The following NEK10 variants were observed in gnomAD, a reference collection of about 807,000 sequenced individuals.
NEK10 encodes the protein serine/threonine-protein kinase Nek10.
NEK10 carries 122 observed loss-of-function variants against 159.8 expected under a neutral mutation model. The ratio of observed to expected loss-of-function variants is 0.76; its 90% CI spans 0.66 to 0.89. The LOEUF (loss-of-function observed/expected upper bound fraction) is 0.89, where lower values mean the gene tolerates loss of function less well. Among genes scored for constraint, NEK10 ranks in the 40% least tolerant of loss-of-function variants. The pLI is 0.00. For missense variants in NEK10, 1,342 were observed against 1,323.1 expected, an observed-to-expected ratio of 1.01 and a Z score of -0.22; for synonymous variants, 466 against 457.1, an observed-to-expected ratio of 1.02 and a Z score of -0.25.
chr3:27,142,676 C>T (rs1943901479), intron 30 of NEK10, among the ~76,000 whole-genome samples: 1 of 152,076 alleles, frequency 6.6e-6, no homozygotes, highest in Admixed American at 6.6e-5. Context: ...GCATATTTTA[C>T]CATAAATATT....
At chr3:27,350,865 G>GT (rs1386544539) in intron 3 of NEK10, among the ~76,000 whole-genome samples, 4 of 151,922 alleles carry the variant, frequency 2.6e-5, no homozygotes, top group East Asian at 3.9e-4. Flanking sequence ...GGTTTTTTTT[G>GT]TTTTTTGCCC....
chr3:27,316,033 G>A (rs767763016), intron 6 of NEK10, among the ~76,000 whole-genome samples: 7 of 152,182 alleles, frequency 4.6e-5, no homozygotes, highest in Non-Finnish European at 1.0e-4. Flanking sequence ...AAGCAGTTCC[G>A]TAACTCCATG....
At chr3:27,116,201 G>T in intron 33 of NEK10, 74 bp from the exon 34 acceptor site, 1 of 1,341,522 alleles carries the variant, frequency 7.5e-7, no homozygotes, top group South Asian at 1.2e-5. Flanking sequence ...TGGCAATTAT[G>T]ACTTCAACCA....
chr3:27,302,536 C>T (rs1172856884), intron 12 of NEK10, among the ~76,000 whole-genome samples: 1 of 152,148 alleles, frequency 6.6e-6, no homozygotes, highest in Admixed American at 6.5e-5. Flanking sequence ...AATTCATGCT[C>T]TGCTTAATGT....
intron 32 of NEK10, among the ~76,000 whole-genome samples, chr3:27,126,864 C>T (rs943650490): frequency 4.6e-5 from 7 of 152,020 alleles, no homozygotes; most frequent in South Asian, 2.1e-4. Flanking sequence ...TTCCGGAGGA[C>T]GCAACCCCAG....
At chr3:27,357,228 C>T (rs1199335499) in intron 1 of NEK10, among the ~76,000 whole-genome samples, 3 of 152,172 alleles carry the variant, frequency 2.0e-5, no homozygotes, top group Admixed American at 6.5e-5. Context: ...TTCCACTATT[C>T]ACCAGAGAAT....
chr3:27,237,144 C>G (rs1212561479), intron 23 of NEK10, among the ~76,000 whole-genome samples: 3 of 152,180 alleles, frequency 2.0e-5, no homozygotes, highest in Non-Finnish European at 4.4e-5. Context: ...AAATATGGCT[C>G]TATTCTGCCT....
chr3:27,365,769 C>T (rs976781224), intron 1 of NEK10, among the ~76,000 whole-genome samples: 3 of 151,832 alleles, frequency 2.0e-5, no homozygotes, highest in Admixed American at 2.0e-4. Flanking sequence ...CGCGTCACCA[C>T]ACCCAGCTAA....
intron 23 of NEK10, among the ~76,000 whole-genome samples, chr3:27,247,242 A>G (rs921235898): frequency 6.6e-6 from 1 of 152,136 alleles, no homozygotes; most frequent in Admixed American, 6.6e-5. Flanking sequence ...CCCATTCAGT[A>G]TGATATTAGC....
At chr3:27,304,605 G>A (rs2044091538) in intron 12 of NEK10, 142 bp downstream of exon 12, 4 of 636,702 alleles carry the variant, frequency 6.3e-6, no homozygotes, top group Non-Finnish European at 1.1e-5. Context: ...GACAAGTCTA[G>A]ATGACTTTGG....
chr3:27,131,800 C>T (rs759226232), intron 32 of NEK10, 80 bp downstream of exon 32: 19 of 645,388 alleles, frequency 2.9e-5, no homozygotes, highest in South Asian at 7.4e-5. Flanking sequence ...GCTTAAAGTA[C>T]GAAGTAAAGG....
At chr3:27,156,929 G>GATACATATATATATAT (rs1553647311) in intron 30 of NEK10, among the ~76,000 whole-genome samples, 1 of 28,314 alleles carries the variant, frequency 3.5e-5, no homozygotes. Context: ...TAAAGAAACT[G>GATACATATATATATAT]ATATATATAT....
chr3:27,201,741 A>G (rs1447883619), intron 24 of NEK10, among the ~76,000 whole-genome samples, 161 bp from the exon 25 acceptor site: 3 of 152,236 alleles, frequency 2.0e-5, no homozygotes, highest in East Asian at 3.8e-4. Context: ...TGCATCAATT[A>G]AACAGCTCTT....
intron 23 of NEK10, among the ~76,000 whole-genome samples, chr3:27,233,617 A>G (rs1953559760): frequency 6.6e-6 from 1 of 152,030 alleles, no homozygotes; most frequent in African/African-American, 2.4e-5. Context: ...ACAATTCACA[A>G]TTGCAAAGAT....
At chr3:27,336,057 C>G (rs902518207) in intron 5 of NEK10, among the ~76,000 whole-genome samples, 1 of 151,882 alleles carries the variant, frequency 6.6e-6, no homozygotes, top group African/African-American at 2.4e-5. Context: ...CACAAAGCAT[C>G]AATAAAACAA....
intron 28 of NEK10, among the ~76,000 whole-genome samples, chr3:27,172,583 A>G (rs1947111339): frequency 6.6e-6 from 1 of 152,024 alleles, no homozygotes; most frequent in Admixed American, 6.6e-5. Context: ...AAATGTTTAA[A>G]TATTTAAAAA....
At chr3:27,267,616 A>G (rs972220011) in intron 22 of NEK10, among the ~76,000 whole-genome samples, 53 of 152,326 alleles carry the variant, frequency 3.5e-4, no homozygotes, top group African/African-American at 1.2e-3. Flanking sequence ...CCATGCGCAT[A>G]TAAGACGGCA....
At chr3:27,120,838 C>T (rs989425390) in intron 32 of NEK10, among the ~76,000 whole-genome samples, 2 of 152,084 alleles carry the variant, frequency 1.3e-5, no homozygotes, top group Non-Finnish European at 2.9e-5. Context: ...ACCTTTAATT[C>T]CAATTATCAC....
chr3:27,284,716 G>T lies in NEK10; in HGVS notation c.1912-12C>A. The T allele has an allele frequency of 6.3e-7, 1 of 1,587,832 alleles. No individual in the cohort carries two copies. Among genetic ancestry groups the T allele is most frequent in the South Asian group, 1.1e-5 (1 of 90,390 alleles). On this transcript the variant is annotated splice_polypyrimidine_tract_variant and intron_variant, in intron 21 of 35. Transcript: ENST00000691995. ...AGAGCTAAGCACAGCTTGAAACAAT[G>T]AATAGAAAACAAATTTTATTTCCCC...
Sources: gnomAD v4.1 joint callset for allele counts (sites outside exome capture counted in the v4.1 genomes callset) on GRCh38, gnomAD v4.1.1 for gene constraint, MANE v1.5 for transcripts, NCBI Gene and HGNC (gene_info 2026-07-23, HGNC 2026-07-21) for gene names.